The following CMKLR2 variants were observed in gnomAD, a reference collection of about 807,000 sequenced individuals.
CMKLR2 encodes chemerin-like receptor 2.
Under a neutral mutation model 23.0 loss-of-function variants are expected in CMKLR2, and 18 were observed. The ratio of observed to expected loss-of-function variants is 0.78; its 90% CI spans 0.54 to 1.16. The LOEUF (loss-of-function observed/expected upper bound fraction) is 1.16, where lower values mean the gene tolerates loss of function less well. Ranked by LOEUF, CMKLR2 falls within the 50% of genes most tolerant of loss-of-function variation. The pLI, the probability that CMKLR2 is intolerant of heterozygous loss-of-function variation, is 0.00. For synonymous variants in CMKLR2, 158 were observed against 158.9 expected (o/e 0.99, Z 0.05); for missense variants, 401 against 412.7 (o/e 0.97, Z 0.25).
intron 1 of CMKLR2, among the ~76,000 whole-genome samples, chr2:206,191,708 C>G (rs1055337732): frequency 1.3e-5 from 2 of 149,870 alleles, no homozygotes; most frequent in African/African-American, 4.9e-5. Context: ...GGCTGTGTCA[C>G]CTAGGCTGTA....
chr2:206,217,647 C>T (rs907623964), upstream of CMKLR2: 4 of 152,188 alleles, frequency 2.6e-5, no homozygotes, highest in Non-Finnish European at 5.9e-5. Flanking sequence ...TCTGTTTTAT[C>T]TCTAATTTGA....
At chr2:206,199,593 ATT>A (rs371033625) in intron 1 of CMKLR2, among the ~76,000 whole-genome samples, 150 of 144,438 alleles carry the variant, frequency 1.0e-3, no homozygotes, top group African/African-American at 3.4e-3. Flanking sequence ...GTATTACGGC[ATT>A]TTTTTTTTTT....
intron 1 of CMKLR2, among the ~76,000 whole-genome samples, chr2:206,202,645 G>A (rs925788842): frequency 1.4e-4 from 22 of 152,128 alleles, no homozygotes; most frequent in African/African-American, 5.3e-4. Flanking sequence ...AAGGCTGGAT[G>A]GCGTCATAGC....
At chr2:206,194,302 T>C (rs375998849) in intron 1 of CMKLR2, among the ~76,000 whole-genome samples, 5 of 152,166 alleles carry the variant, frequency 3.3e-5, no homozygotes, top group African/African-American at 1.2e-4. Context: ...TGTGCCTTTT[T>C]TTCTCCTAGG....
rs146415105 is a variant in CMKLR2, at chr2:206,184,592, A to G, written c.-28-7317T>C. Among the ~76,000 whole-genome samples the G allele has an allele frequency of 3.2e-3, 492 of 151,894 alleles. 2 individuals carry two copies. The highest frequency in any genetic ancestry group is 0.012 in the African/African-American group (484 of 41,420). ...TTACAGGTGTGAGCCACCGTGCCCA[A>G]CCTAGACCCCATTTCAAATAAGGTC... On this transcript the variant is annotated intron_variant, in intron 1 of 1. Coordinates refer to ENST00000621141, the MANE Select transcript of CMKLR2 (RefSeq NM_001389445.1).
intron 1 of CMKLR2, among the ~76,000 whole-genome samples, chr2:206,181,008 G>A (rs1437694647): frequency 2.0e-5 from 3 of 151,038 alleles, no homozygotes; most frequent in Non-Finnish European, 4.4e-5. Flanking sequence ...GCCCACCTTG[G>A]CCTCCCAAAG....
chr2:206,203,656 C>G (rs923420682), intron 1 of CMKLR2: 1 of 152,396 alleles, frequency 6.6e-6, no homozygotes, highest in Middle Eastern at 3.4e-3. Flanking sequence ...AGTTCTGGCC[C>G]TTGTAGTAAA....
rs139358275 is a variant in CMKLR2, at chr2:206,212,327, T to C, written c.-29+980A>G. On this transcript the variant is annotated intron_variant, in intron 1 of 1. Transcript: ENST00000621141. ...CTAGTGTCTGGAAGATGTACAAATATGATGAGAATTATTCACTAAGAATAA... is the reference window on the plus strand; with the variant it reads ...CTAGTGTCTGGAAGATGTACAAATACGATGAGAATTATTCACTAAGAATAA... Among the ~76,000 whole-genome samples the C allele has an allele frequency of 5.5e-3, 825 of 150,522 alleles. 2 individuals carry two copies. Among genetic ancestry groups the C allele is most frequent in the South Asian group, 0.027 (127 of 4,792 alleles).
chr2:206,195,937 G>A (rs546200360), intron 1 of CMKLR2, among the ~76,000 whole-genome samples: 15 of 152,266 alleles, frequency 9.9e-5, no homozygotes, highest in African/African-American at 2.9e-4. Flanking sequence ...CTGGGGAACA[G>A]GAGTGAAACT....
upstream of CMKLR2, among the ~76,000 whole-genome samples, chr2:206,214,784 C>A (rs566430506): frequency 1.3e-5 from 2 of 151,802 alleles, no homozygotes; most frequent in Non-Finnish European, 2.9e-5. Context: ...CCACCACGCC[C>A]GGCTAATTTT....
At chr2:206,190,280 T>C (rs2105813719) in intron 1 of CMKLR2, among the ~76,000 whole-genome samples, 1 of 152,326 alleles carries the variant, frequency 6.6e-6, no homozygotes, top group Admixed American at 6.5e-5. Context: ...AGTGTTCTGA[T>C]GACAAAGGCC....
At chr2:206,202,060 T>G (rs1031674628) in intron 1 of CMKLR2, among the ~76,000 whole-genome samples, 1 of 152,184 alleles carries the variant, frequency 6.6e-6, no homozygotes, top group African/African-American at 2.4e-5. Flanking sequence ...CTAAATTAAA[T>G]GAATTATTTA....
rs187934171 is a variant in CMKLR2 at position 206,189,587 on chromosome 2, A to G, written c.-28-12312T>C. 3.1e-3 allele frequency among the ~76,000 whole-genome samples: 477 copies of G among 152,076 alleles called. 1 individual carries two copies. The highest frequency in any genetic ancestry group is 0.031 in the Middle Eastern group (9 of 294). On this transcript the variant is annotated intron_variant, in intron 1 of 1. Coordinates refer to ENST00000621141, the MANE Select transcript of CMKLR2 (RefSeq NM_001389445.1). ...GAGGTGGAGGTTGCAATGAGCAAAG[A>G]TGGTGCCACTGCACTCCAGCCTGGG... is the stretch of plus-strand genomic sequence containing the variant.
At position 206,176,829 on chromosome 2, in the gene CMKLR2, A is replaced by G. The variant is rs758783890; in HGVS notation, c.419T>C (p.Ile140Thr). The G allele has an allele frequency of 6.2e-7, 1 of 1,614,168 alleles. No individual in the cohort carries two copies. Among genetic ancestry groups the G allele is most frequent in the East Asian group, 2.2e-5 (1 of 44,886 alleles). Residue 140 changes from isoleucine (I) to threonine (T), a missense_variant, in exon 2 of 2, where the codon ATC (isoleucine) becomes ACC (threonine). Physicochemically the swap from Ile to Thr is moderately conservative, Grantham distance 89 (BLOSUM62 -1). Transcript: ENST00000621141. The part of the protein sequence containing the change: ...VISLDHYIHL[I>T]HPVLSHRHRT... ...ATGCCGATGAGATAAGACAGGATGG[A>G]TCAAGTGGATATAGTGGTCCAGGCT... is the stretch of plus-strand genomic sequence containing the variant.
At chr2:206,210,738 C>T (rs369371754) in intron 1 of CMKLR2, among the ~76,000 whole-genome samples, 4 of 152,046 alleles carry the variant, frequency 2.6e-5, no homozygotes, top group Admixed American at 2.0e-4. Context: ...TCGGATTACA[C>T]GCATGAGCCA....
chr2:206,202,537 T>C (rs942598396), intron 1 of CMKLR2, among the ~76,000 whole-genome samples: 1 of 152,178 alleles, frequency 6.6e-6, no homozygotes, highest in Non-Finnish European at 1.5e-5. Context: ...AATGGTTCAC[T>C]GCAGTTTCAA....
intron 1 of CMKLR2, among the ~76,000 whole-genome samples, chr2:206,180,675 T>A (rs1688380599): frequency 6.6e-6 from 1 of 150,948 alleles, no homozygotes; most frequent in African/African-American, 2.4e-5. Context: ...CTTAAGTGAT[T>A]CTCTTGCCTC....
chr2:206,184,296 C>T (rs1688504687), intron 1 of CMKLR2, among the ~76,000 whole-genome samples: 1 of 146,916 alleles, frequency 6.8e-6, no homozygotes, highest in African/African-American at 2.5e-5. Flanking sequence ...TTCTCTCTCT[C>T]TCTCTTTTTT....
chr2:206,191,240 T>C (rs1688737774), intron 1 of CMKLR2, among the ~76,000 whole-genome samples: 1 of 152,146 alleles, frequency 6.6e-6, no homozygotes, highest in African/African-American at 2.4e-5. Flanking sequence ...ACCTAACTCA[T>C]GGGGTTGCTG....
Sources: allele counts gnomAD v4.1 joint callset (sites outside exome capture counted in the v4.1 genomes callset), GRCh38; gene constraint gnomAD v4.1.1; transcripts MANE v1.5; gene names NCBI Gene and HGNC (gene_info 2026-07-23, HGNC 2026-07-21).